Variants in CCNB3 observed in about 807,000 individuals in gnomAD.
The protein encoded by CCNB3 is G2/mitotic-specific cyclin-B3.
A neutral mutation model predicts 68.0 loss-of-function variants in CCNB3; 12 were observed. That is an observed-to-expected ratio of 0.18 (90% CI 0.11 to 0.29). The LOEUF (loss-of-function observed/expected upper bound fraction) is 0.29, where lower values mean the gene tolerates loss of function less well. CCNB3 is among the 10% of genes least tolerant of loss of function. The probability of loss-of-function intolerance (pLI) is 1.00; values close to 1 mark genes in which losing one functional copy is unlikely to be tolerated. For synonymous variants in CCNB3, 354 were observed against 388.9 expected (o/e 0.91, Z 1.06); for missense variants, 904 against 993.1 (o/e 0.91, Z 1.21).
intron 8 of CCNB3, among the ~76,000 whole-genome samples, chrX:50,316,133 A>G (rs913277610): frequency 9.0e-6 from 1 of 111,018 alleles, no homozygotes. Flanking sequence ...CATAGTGGAT[A>G]TGTCTCACGA....
intron 5 of CCNB3, among the ~76,000 whole-genome samples, chrX:50,301,377 G>A (rs1936628706): frequency 8.9e-6 from 1 of 112,259 alleles, no homozygotes; most frequent in South Asian, 3.7e-4. Flanking sequence ...CTGCAGGTCT[G>A]TTGGAGTTTG....
chrX:50,336,769 C>A (rs1182232874), intron 8 of CCNB3, among the ~76,000 whole-genome samples: 1 of 111,391 alleles, frequency 9.0e-6, no homozygotes, highest in African/African-American at 3.3e-5. Context: ...TCAGGTCCCA[C>A]TGGTGGCCTG....
At chrX:50,296,343 T>C (rs1557210935) in intron 5 of CCNB3, among the ~76,000 whole-genome samples, 3 of 76,962 alleles carry the variant, frequency 3.9e-5, no homozygotes, top group Non-Finnish European at 7.4e-5. Context: ...GTGTTCTCAT[T>C]GTTCAATTCC....
chrX:50,348,642 T>G (rs1923523200), intron 11 of CCNB3, among the ~76,000 whole-genome samples: 1 of 112,812 alleles, frequency 8.9e-6, no homozygotes, highest in Non-Finnish European at 1.9e-5. Context: ...ATTGAGTGTT[T>G]AGACAGTGAT....
At chrX:50,288,742 C>T (rs1030617645) in intron 3 of CCNB3, 38 bp from the exon 4 acceptor site, 1 of 1,051,634 alleles carries the variant, frequency 9.5e-7, no homozygotes, top group East Asian at 3.1e-5. Flanking sequence ...AGACTGTTCA[C>T]AATTGGATAT....
At chrX:50,226,782 G>A (rs1330524549) in intron 1 of CCNB3, among the ~76,000 whole-genome samples, 2 of 70,226 alleles carry the variant, frequency 2.8e-5, no homozygotes, top group Non-Finnish European at 5.0e-5. Flanking sequence ...ATATATATAT[G>A]AATATGTACA....
chrX:50,312,154 T>C (rs1323053091), intron 6 of CCNB3, among the ~76,000 whole-genome samples: 3 of 110,558 alleles, frequency 2.7e-5, no homozygotes, highest in African/African-American at 9.9e-5. Context: ...GGTAAAGGTA[T>C]AGAAAGGAGG....
At chrX:50,317,849 C>T (rs1262260073) in intron 8 of CCNB3, among the ~76,000 whole-genome samples, 4 of 111,190 alleles carry the variant, frequency 3.6e-5, no homozygotes, top group African/African-American at 6.5e-5. Context: ...TGATTACAGG[C>T]GTGAGGCACT....
intron 3 of CCNB3, among the ~76,000 whole-genome samples, chrX:50,287,452 A>T (rs1936260901): frequency 8.9e-6 from 1 of 112,073 alleles, no homozygotes; most frequent in African/African-American, 3.2e-5. Flanking sequence ...ATCAGACTAC[A>T]TTATTTTAAA....
intron 8 of CCNB3, among the ~76,000 whole-genome samples, chrX:50,341,261 C>T (rs991419922): frequency 1.8e-5 from 2 of 108,553 alleles, no homozygotes; most frequent in East Asian, 2.9e-4. Flanking sequence ...ACCCGGGAGG[C>T]GGAGCTTGCA....
intron 4 of CCNB3, among the ~76,000 whole-genome samples, chrX:50,294,633 A>G (rs1557210561): frequency 9.0e-6 from 1 of 111,711 alleles, no homozygotes; most frequent in Non-Finnish European, 1.9e-5. Flanking sequence ...TAGTTAGCCA[A>G]CACATACCAG....
chrX:50,291,030 A>G (rs1450759155), intron 4 of CCNB3, among the ~76,000 whole-genome samples: 3 of 111,623 alleles, frequency 2.7e-5, no homozygotes, highest in Admixed American at 9.6e-5. Context: ...TCTTACAGTC[A>G]GTATTATTAG....
chrX:50,297,856 A>G (rs1250286363), intron 5 of CCNB3, among the ~76,000 whole-genome samples: 34 of 111,390 alleles, frequency 3.1e-4, no homozygotes, highest in Admixed American at 7.6e-4. Context: ...CATCCCTTGT[A>G]AGTTGGATTC....
At chrX:50,332,698 G>A (rs782710877) in intron 8 of CCNB3, among the ~76,000 whole-genome samples, 3 of 111,199 alleles carry the variant, frequency 2.7e-5, no homozygotes, top group African/African-American at 9.8e-5. Flanking sequence ...CCTTGGGGGT[G>A]GTCAGGATGA....
intron 1 of CCNB3, among the ~76,000 whole-genome samples, chrX:50,282,070 C>T (rs1936147193): frequency 8.9e-6 from 1 of 111,793 alleles, no homozygotes; most frequent in Non-Finnish European, 1.9e-5. Context: ...TGTTAATTTG[C>T]AGATTTTGAT....
chrX:50,330,382 T>A (rs1922537629), intron 8 of CCNB3, among the ~76,000 whole-genome samples: 1 of 112,019 alleles, frequency 8.9e-6, no homozygotes, highest in African/African-American at 3.2e-5. Context: ...TGATTTCACT[T>A]CTGCCTTTAA....
intron 8 of CCNB3, among the ~76,000 whole-genome samples, chrX:50,317,987 A>T (rs1215454218): frequency 9.0e-6 from 1 of 111,277 alleles, no homozygotes; most frequent in Non-Finnish European, 1.9e-5. Context: ...CTTTTTTTGC[A>T]TATGAGTGTC....
At position 50,294,940 on chromosome X, in the gene CCNB3, C is replaced by T; in HGVS notation, c.282C>T (p.Asn94=). 2 of 1,209,119 alleles carry T rather than the reference C, an allele frequency of 1.7e-6. No homozygotes were observed. The highest frequency in any genetic ancestry group is 1.8e-5 in the South Asian group (1 of 56,676). ...EFVKVVSKKI[N]RNTHALGLAK... Reference sequence around the variant, plus strand: ...TAAAAGTTGTTTCCAAGAAGATAAACAGGAACACACATGCTCTTGGACTGG... The same window carrying T: ...TAAAAGTTGTTTCCAAGAAGATAAATAGGAACACACATGCTCTTGGACTGG... The change falls in exon 5 of 13, where the codon AAC becomes AAT. Residue 94 remains asparagine (N), a synonymous_variant. Coordinates refer to ENST00000376042, the MANE Select transcript of CCNB3 (RefSeq NM_033031.3).
At chrX:50,279,550 TAA>T (rs1235129176) in intron 1 of CCNB3, among the ~76,000 whole-genome samples, 1 of 85,241 alleles carries the variant, frequency 1.2e-5, no homozygotes, top group Non-Finnish European at 2.2e-5. Flanking sequence ...TTCATATATA[TAA>T]ATATATGAAT....
Sources: gnomAD v4.1 joint callset for allele counts (sites outside exome capture counted in the v4.1 genomes callset) on GRCh38, gnomAD v4.1.1 for gene constraint, MANE v1.5 for transcripts, NCBI Gene and HGNC (gene_info 2026-07-23, HGNC 2026-07-21) for gene names.